PTCHD4: variants seen among roughly 807,000 people sequenced by gnomAD.
PTCHD4 encodes patched domain-containing protein 4.
PTCHD4 carries 33 observed loss-of-function variants against 58.1 expected under a neutral mutation model. That is an observed-to-expected ratio of 0.57 (90% CI 0.43 to 0.76). The LOEUF (loss-of-function observed/expected upper bound fraction) is 0.76. Ranked by LOEUF, PTCHD4 falls within the 30% of genes least tolerant of loss-of-function variation. The probability of loss-of-function intolerance (pLI) is 0.00; values close to 1 mark genes in which losing one functional copy is unlikely to be tolerated. For missense variants in PTCHD4, 1,058 were observed against 1,027.1 expected (o/e 1.03, Z -0.41); for synonymous variants, 478 against 409.6 (o/e 1.17, Z -2.02).
At chr6:47,940,689 GA>G (rs1766181600) in intron 4 of PTCHD4, among the ~76,000 whole-genome samples, 1 of 152,074 alleles carries the variant, frequency 6.6e-6, no homozygotes, top group South Asian at 2.1e-4. Flanking sequence ...ACAGCACTTT[GA>G]AAAATATGAC....
chr6:47,901,014 C>T (rs1341340924), intron 4 of PTCHD4: 5 of 150,654 alleles, frequency 3.3e-5, no homozygotes, highest in South Asian at 2.1e-4. Flanking sequence ...ATTAGCCGGG[C>T]GCGGTGGCGG....
rs1280118499 is a variant in PTCHD4 at position 47,869,948 on chromosome 6, T to G, written c.*8355A>C. ...GGCATTTAATACTAACAATAAAGAA[T>G]GAAGAAAAATCTGGCGAATTTAAGA... On this transcript the variant is annotated 3_prime_UTR_variant, in exon 5 of 5. Transcript: ENST00000339488. Among the ~76,000 whole-genome samples, 1 of 151,580 alleles carries G rather than the reference T, an allele frequency of 6.6e-6. No individual in the cohort carries two copies. The highest frequency in any genetic ancestry group is 1.5e-5 in the Non-Finnish European group (1 of 67,694).
intron 4 of PTCHD4, among the ~76,000 whole-genome samples, chr6:47,961,966 T>A (rs1581939144): frequency 6.6e-6 from 1 of 151,976 alleles, no homozygotes; most frequent in Non-Finnish European, 1.5e-5. Flanking sequence ...AGAAGCATCA[T>A]GAAAACAAAA....
At chr6:47,940,711 A>T (rs1227360941) in intron 4 of PTCHD4, among the ~76,000 whole-genome samples, 1 of 152,202 alleles carries the variant, frequency 6.6e-6, no homozygotes, top group Non-Finnish European at 1.5e-5. Flanking sequence ...TTAATAGGAA[A>T]GTCACCCAGA....
intron 3 of PTCHD4, among the ~76,000 whole-genome samples, chr6:48,020,527 T>A (rs1379087218): frequency 2.0e-5 from 3 of 152,012 alleles, no homozygotes; most frequent in Non-Finnish European, 2.9e-5. Context: ...AAAACCGTAA[T>A]TACTTTTGCA....
chr6:47,881,336 T>C (rs1016653215), intron 4 of PTCHD4, among the ~76,000 whole-genome samples: 1 of 152,192 alleles, frequency 6.6e-6, no homozygotes, highest in Non-Finnish European at 1.5e-5. Flanking sequence ...GACTACAATG[T>C]ACATACTTGA....
At chr6:48,048,170 A>C (rs747775316) in intron 3 of PTCHD4, among the ~76,000 whole-genome samples, 10 of 151,942 alleles carry the variant, frequency 6.6e-5, no homozygotes, top group Non-Finnish European at 1.2e-4. Context: ...GGGTTGTATG[A>C]AAATGCTAGA....
intron 1 of PTCHD4, among the ~76,000 whole-genome samples, chr6:48,088,486 A>G (rs1241967172): frequency 6.6e-6 from 1 of 152,132 alleles, no homozygotes; most frequent in African/African-American, 2.4e-5. Flanking sequence ...AGCAAACAAA[A>G]GCTGTGCATA....
At chr6:48,054,213 G>A (rs1405860324) in intron 3 of PTCHD4, among the ~76,000 whole-genome samples, 1 of 152,116 alleles carries the variant, frequency 6.6e-6, no homozygotes, top group Non-Finnish European at 1.5e-5. Flanking sequence ...ACTATACCAA[G>A]TGAAAAGGAG....
intron 4 of PTCHD4, among the ~76,000 whole-genome samples, chr6:47,970,027 A>G (rs772595222): frequency 1.3e-5 from 2 of 152,198 alleles, no homozygotes; most frequent in Non-Finnish European, 2.9e-5. Flanking sequence ...TGAGAGCACA[A>G]TCTGAGCATA....
intron 4 of PTCHD4, among the ~76,000 whole-genome samples, chr6:47,948,014 CA>C (rs1258507492): frequency 1.3e-5 from 2 of 152,156 alleles, no homozygotes; most frequent in African/African-American, 2.4e-5. Context: ...CTTGATTTCT[CA>C]GAAATTTCTT....
chr6:47,893,704 A>G (rs1203950939), intron 4 of PTCHD4, among the ~76,000 whole-genome samples: 1 of 152,222 alleles, frequency 6.6e-6, no homozygotes, highest in African/African-American at 2.4e-5. Context: ...TCTGGTACAC[A>G]ATTACTGTGC....
chr6:47,998,092 G>C (rs1354196883), intron 4 of PTCHD4, among the ~76,000 whole-genome samples: 1 of 152,072 alleles, frequency 6.6e-6, no homozygotes, highest in Non-Finnish European at 1.5e-5. Flanking sequence ...TCCCATTCTG[G>C]TTGGCAATTG....
At chr6:48,039,344 A>T (rs1763760111) in intron 3 of PTCHD4, among the ~76,000 whole-genome samples, 1 of 152,146 alleles carries the variant, frequency 6.6e-6, no homozygotes, top group South Asian at 2.1e-4. Context: ...GAAAAACAGG[A>T]TCATCTTATT....
At chr6:47,927,124 G>A (rs930868051) in intron 4 of PTCHD4, among the ~76,000 whole-genome samples, 3 of 152,130 alleles carry the variant, frequency 2.0e-5, no homozygotes, top group African/African-American at 7.2e-5. Flanking sequence ...TCATTTCTCA[G>A]GACTAACCAA....
rs1764931205 is a variant in PTCHD4 at position 48,069,513 on chromosome 6, G to A, written c.-556C>T. On this transcript the variant is annotated 5_prime_UTR_variant, in exon 2 of 5. It introduces an in-frame stop codon into an upstream open reading frame of the 5' UTR. Coordinates refer to ENST00000339488, the MANE Select transcript of PTCHD4 (RefSeq NM_001384253.1). ...CACACAGCATGCAAGGGATTTCCTCGCAACACCTTCCTCGCTGTGATTCCA... is the reference window on the plus strand; with the variant it reads ...CACACAGCATGCAAGGGATTTCCTCACAACACCTTCCTCGCTGTGATTCCA... Among the ~76,000 whole-genome samples, 4 of 152,258 alleles carry A rather than the reference G, an allele frequency of 2.6e-5. No homozygotes were observed. The South Asian group carries it at 6.2e-4, about 24-fold the overall frequency.
Position 47,869,385 on chromosome 6 carries a change from G to C in PTCHD4, c.*8918C>G, listed in dbSNP as rs766916887. ...GCTCTCATATGGTGAGAAAAATGTT[G>C]GTTCAAGTATTTTTATAGTTAATAT... On this transcript the variant is annotated 3_prime_UTR_variant, in exon 5 of 5. Transcript: ENST00000339488. Among the ~76,000 whole-genome samples the C allele has an allele frequency of 1.3e-5, 2 of 151,560 alleles. No individual in the cohort carries two copies. The highest frequency in any genetic ancestry group is 3.0e-5 in the Non-Finnish European group (2 of 67,782).
rs1210834248 is a variant in PTCHD4 at position 48,069,139 on chromosome 6, A to G, written c.-182T>C. On this transcript the variant is annotated 5_prime_UTR_variant, in exon 2 of 5. Transcript: ENST00000339488. ...GTAAGAAGCAGACATGTGCCCCATA[A>G]AGGGGGGGGGGGCTGAGGGGGGGAG... 6.6e-5 allele frequency among the ~76,000 whole-genome samples: 2 copies of G among 30,246 alleles called. No homozygotes were observed. Among genetic ancestry groups the G allele is most frequent in the African/African-American group, 2.9e-4 (2 of 6,806 alleles). 19.8% of individuals were successfully genotyped at this position (30,246 alleles called of 152,430 possible).
intron 4 of PTCHD4, among the ~76,000 whole-genome samples, chr6:48,007,927 TGC>T (rs201892083): frequency 6.3e-4 from 38 of 60,296 alleles, no homozygotes; most frequent in African/African-American, 1.4e-3. Flanking sequence ...AAAGAATATG[TGC>T]GCGCGCGCAC....
Sources: gnomAD v4.1 joint callset for allele counts (sites outside exome capture counted in the v4.1 genomes callset) on GRCh38, gnomAD v4.1.1 for gene constraint, MANE v1.5 for transcripts, NCBI Gene and HGNC (gene_info 2026-07-23, HGNC 2026-07-21) for gene names.